PFKFB3: variants seen among roughly 807,000 people sequenced by gnomAD.
PFKFB3 encodes 6-phosphofructo-2-kinase/fructose-2,6-bisphosphatase 3.
PFKFB3 carries 33 observed loss-of-function variants against 68.0 expected under a neutral mutation model. That is an observed-to-expected ratio of 0.49 (90% confidence interval 0.37 to 0.65). The LOEUF is 0.65. Ranked by LOEUF, PFKFB3 falls within the 30% of genes least tolerant of loss-of-function variation. PFKFB3 has a pLI of 0.00. For missense variants in PFKFB3, 586 were observed against 712.2 expected (o/e 0.82, Z 2.02); for synonymous variants, 315 against 288.2 (o/e 1.09, Z -0.94).
chr10:6,217,428 G>A (rs1384911050), intron 6 of PFKFB3, among the ~76,000 whole-genome samples: 1 of 152,210 alleles, frequency 6.6e-6, no homozygotes, highest in African/African-American at 2.4e-5. Context: ...ATGGGACGTA[G>A]GAAATAATTC....
At chr10:6,150,216 G>A (rs549384197) in intron 1 of PFKFB3, among the ~76,000 whole-genome samples, 15 of 152,250 alleles carry the variant, frequency 9.9e-5, no homozygotes, top group African/African-American at 2.6e-4. Flanking sequence ...TTTGAGTTAC[G>A]GTCTATACCT....
chr10:6,197,327 C>A (rs944290430), intron 1 of PFKFB3, among the ~76,000 whole-genome samples: 1 of 152,162 alleles, frequency 6.6e-6, no homozygotes, highest in East Asian at 1.9e-4. Context: ...CATTGTGTTA[C>A]AGTTGCCTAC....
chr10:6,208,371 C>CTTTTTTTTTTGTTTTTTTTTTTTTTTTT (rs1843933482), intron 1 of PFKFB3, among the ~76,000 whole-genome samples: 2 of 60,624 alleles, frequency 3.3e-5, no homozygotes, highest in African/African-American at 1.3e-4. Flanking sequence ...GGTACCTGGC[C>CTTTTTTTTTTGTTTTTTTTTTTTTTTTT]TTTTTTTTTT....
intron 13 of PFKFB3, 24 bp from the exon 14 acceptor site, chr10:6,226,164 TTCTC>T: frequency 1.3e-6 from 2 of 1,532,568 alleles, no homozygotes; most frequent in Admixed American, 2.2e-5. Context: ...ACTGTCGCCT[TTCTC>T]TCTTTTGTCT....
In PFKFB3 at chr10:6,224,155, G is replaced by T. The variant is rs766986473; in HGVS notation, c.1283G>T (p.Arg428Leu). Residue 428 changes from arginine to leucine, a missense_variant, in exon 13 of 15, where the codon CGT (arginine) becomes CTT (leucine). Physicochemically the swap from Arg to Leu is moderately radical, Grantham distance 102. Transcript: ENST00000379775. ...CCCATCCCACGCCCTCCAGGCTGCCGTGTGGAATCCATCTACCTGAACGTG... is the reference window on the plus strand; with the variant it reads ...CCCATCCCACGCCCTCCAGGCTGCCTTGTGGAATCCATCTACCTGAACGTG... ...LKLTPVAYGCRVESIYLNVES... is the reference protein window; with the variant it reads ...LKLTPVAYGCLVESIYLNVES... 4.3e-6 allele frequency: 7 copies of T among 1,614,040 alleles called. No individual in the cohort carries two copies. Among genetic ancestry groups the T allele is most frequent in the Non-Finnish European group, 5.9e-6 (7 of 1,180,004 alleles).
intron 1 of PFKFB3, among the ~76,000 whole-genome samples, chr10:6,203,962 G>A (rs938606854): frequency 1.1e-4 from 17 of 152,342 alleles, no homozygotes; most frequent in African/African-American, 3.8e-4. Flanking sequence ...CGCCCGTGCT[G>A]GGGGCGCCAG....
chr10:6,221,864 C>T (rs1265681798), intron 10 of PFKFB3, 119 bp downstream of exon 10: 1 of 663,154 alleles, frequency 1.5e-6, no homozygotes, highest in African/African-American at 1.8e-5. Context: ...CCTACACCCT[C>T]CACCTTGGAA....
At chr10:6,226,397 G>T (rs886589867) in intron 14 of PFKFB3, 32 bp downstream of exon 14, 2 of 1,573,506 alleles carry the variant, frequency 1.3e-6, no homozygotes, top group Admixed American at 3.8e-5. Flanking sequence ...TCCTGCCTGG[G>T]GGACGCATGC....
intron 6 of PFKFB3, 78 bp downstream of exon 6, chr10:6,217,269 C>G: frequency 7.6e-7 from 1 of 1,324,138 alleles, no homozygotes; most frequent in Non-Finnish European, 1.1e-6. Flanking sequence ...AGTGGGGGAC[C>G]GGGTCCGGCT....
chr10:6,211,229 C>T (rs1324966198), intron 1 of PFKFB3, among the ~76,000 whole-genome samples: 1 of 152,172 alleles, frequency 6.6e-6, no homozygotes, highest in Non-Finnish European at 1.5e-5. Context: ...TGTTATTTTC[C>T]CTCCCTAAAT....
chr10:6,228,544 C>T lies in PFKFB3; in HGVS notation c.1515+2179C>T, dbSNP rs1845512130. ...TAGGGCTCGGCATAAATCCACATTT[C>T]CTTATCAGAATCAGATCTTGGTGGC... On this transcript the variant is annotated intron_variant, in intron 14 of 14. Transcript: ENST00000379775. The surrounding 1 kb of genome is among the most constrained non-coding windows in gnomAD (Gnocchi z 4.5). Among the ~76,000 whole-genome samples the T allele has an allele frequency of 6.6e-6, 1 of 152,220 alleles. No homozygotes were observed. The highest frequency in any genetic ancestry group is 2.4e-5 in the African/African-American group (1 of 41,510).
At chr10:6,213,579 C>T (rs760432799) in intron 1 of PFKFB3, 44 bp from the exon 2 acceptor site, 22 of 1,585,770 alleles carry the variant, frequency 1.4e-5, no homozygotes, top group South Asian at 4.6e-5. Context: ...TCCTCTTCTC[C>T]GGTCACTTGG....
chr10:6,217,374 T>C (rs1844654958), intron 6 of PFKFB3, among the ~76,000 whole-genome samples, 183 bp downstream of exon 6: 1 of 152,160 alleles, frequency 6.6e-6, no homozygotes, highest in African/African-American at 2.4e-5. Context: ...CAGAGGCCTG[T>C]CCTGTGAGGG....
In PFKFB3 at chr10:6,220,528, G is replaced by T. The variant is rs1844879309; in HGVS notation, c.624-130G>T. 5.3e-6 allele frequency: 4 copies of T among 755,274 alleles called. No individual in the cohort carries two copies. The highest frequency in any genetic ancestry group is 9.0e-6 in the Non-Finnish European group (4 of 446,646). 46.8% of individuals were successfully genotyped at this position (755,274 alleles called of 1,614,324 possible). A position where few individuals can be genotyped will look rare whatever the true frequency, so the allele number is the denominator to read the frequency against. On this transcript the variant is annotated intron_variant, in intron 7 of 14. Coordinates refer to ENST00000379775, the MANE Select transcript of PFKFB3 (RefSeq NM_004566.4). The surrounding 1 kb of genome is among the most constrained non-coding windows in gnomAD (Gnocchi z 4.1). ...ATGCTCTGCCCCTTAGAAGGATTCA[G>T]TCTGTGCCCTGGAGGGGCCTACGGT...
chr10:6,206,083 A>T (rs1843668985), intron 1 of PFKFB3, among the ~76,000 whole-genome samples: 1 of 150,978 alleles, frequency 6.6e-6, no homozygotes, highest in Admixed American at 6.6e-5. Context: ...CAAGTGAACA[A>T]AGGTCTCTGG....
chr10:6,223,958 A>G lies in PFKFB3; in HGVS notation c.1214A>G (p.Glu405Gly). 6.2e-7 allele frequency: 1 copy of G among 1,613,664 alleles called. No homozygotes were observed. The highest frequency in any genetic ancestry group is 8.5e-7 in the Non-Finnish European group (1 of 1,179,582). The change falls in exon 12 of 15, where the codon GAG becomes GGG. Residue 405 changes from glutamate to glycine, a missense_variant and splice_region_variant. Transcript: ENST00000379775. ...LLAYFLDKSA[E>G]EMPYLKCPLH... is the part of the protein sequence containing the mutation. ...TGTGGGTGTACAATTTCAATTTCAG[A>G]GGAGATGCCCTACCTGAAATGCCCT...
the PFKFB3 span, among the ~76,000 whole-genome samples, chr10:6,295,675 C>T: frequency 6.6e-6 from 1 of 152,158 alleles, no homozygotes; most frequent in Non-Finnish European, 1.5e-5. Context: ...TCTCTTCCCC[C>T]AGGCCAGCTG....
In PFKFB3 at chr10:6,209,765, C is replaced by CTTTTT. The variant is rs56822740; in HGVS notation, c.77-3845_77-3841dup. On this transcript the variant is annotated intron_variant, in intron 1 of 14. Transcript: ENST00000379775. ...CATGCCCAGCCAATACTTACCTTTT[C>CTTTTT]TTTTTTTTTTTTTTTTTGAGACGGT... Among the ~76,000 whole-genome samples the CTTTTT allele has an allele frequency of 1.4e-4, 17 of 121,266 alleles. 1 individual carries two copies. The highest frequency in any genetic ancestry group is 7.7e-4 in the South Asian group (3 of 3,902). 79.6% of individuals were successfully genotyped at this position (121,266 alleles called of 152,430 possible).
At chr10:6,317,877 G>A in the PFKFB3 span, among the ~76,000 whole-genome samples, 1 of 152,212 alleles carries the variant, frequency 6.6e-6, no homozygotes. Flanking sequence ...CGCAAAGACT[G>A]CGTATTCTCA....
Sources: allele counts gnomAD v4.1 joint callset (sites outside exome capture counted in the v4.1 genomes callset), GRCh38; gene constraint gnomAD v4.1.1; non-coding constraint Gnocchi (gnomAD v3.1); transcripts MANE v1.5; gene names NCBI Gene and HGNC (gene_info 2026-07-23, HGNC 2026-07-21).